Variants in PTPRN2 observed in about 807,000 individuals in gnomAD.
PTPRN2 encodes receptor-type tyrosine-protein phosphatase N2.
PTPRN2 carries 74 observed loss-of-function variants against 118.8 expected under a neutral mutation model. The ratio of observed to expected loss-of-function variants is 0.62; its 90% confidence interval spans 0.52 to 0.76. The LOEUF is 0.76. Among genes scored for constraint, PTPRN2 ranks in the 30% least tolerant of loss-of-function variants. The probability of loss-of-function intolerance (pLI) is 0.00; values close to 1 mark genes in which losing one functional copy is unlikely to be tolerated. For synonymous variants in PTPRN2, 641 were observed against 608.0 expected, an observed-to-expected ratio of 1.05 and a Z score of -0.80; for missense variants, 1,481 against 1,394.4, an observed-to-expected ratio of 1.06 and a Z score of -0.99.
At chr7:158,451,175 T>A (rs74433189) in intron 2 of PTPRN2, among the ~76,000 whole-genome samples, 12,562 of 152,294 alleles carry the variant, frequency 0.082, 575 homozygotes, top group Middle Eastern at 0.11. Flanking sequence ...GTTTTGCAAA[T>A]GTTTCCTTCG....
Position 157,953,184 on chromosome 7 carries a change from G to A in PTPRN2, c.1724-54447C>T, listed in dbSNP as rs1005949148. Reference sequence around the variant, plus strand: ...TGCACCATGTTGACTGTACCCGTGTGCAGCTTGCACAGAGTCCCCAGCAGC... The same window carrying A: ...TGCACCATGTTGACTGTACCCGTGTACAGCTTGCACAGAGTCCCCAGCAGC... On this transcript the variant is annotated intron_variant, in intron 11 of 22. Transcript: ENST00000389418. This position sits in a 1 kb window ranked among gnomAD's most constrained non-coding sequence, Gnocchi z 4.6. Among the ~76,000 whole-genome samples the A allele has an allele frequency of 6.6e-6, 1 of 152,218 alleles. No individual in the cohort carries two copies. The highest frequency in any genetic ancestry group is 2.4e-5 in the African/African-American group (1 of 41,456).
intron 11 of PTPRN2, among the ~76,000 whole-genome samples, chr7:158,010,496 A>G (rs745938079): frequency 4.2e-4 from 64 of 152,370 alleles, no homozygotes; most frequent in African/African-American, 1.4e-3. Context: ...CTGACCAGCT[A>G]CTTCTACAAA....
At chr7:157,683,713 C>T (rs1419129010) in intron 12 of PTPRN2, among the ~76,000 whole-genome samples, 1 of 152,166 alleles carries the variant, frequency 6.6e-6, no homozygotes, top group Non-Finnish European at 1.5e-5. Flanking sequence ...AAAGCCCTTT[C>T]GGTGCATTTC....
chr7:158,098,118 G>T (rs113592742), intron 10 of PTPRN2, among the ~76,000 whole-genome samples: 2 of 152,202 alleles, frequency 1.3e-5, no homozygotes, highest in African/African-American at 2.4e-5. Flanking sequence ...TGGAAGTAAG[G>T]CTTGCGTGGT....
In PTPRN2 at chr7:157,598,500, G is replaced by T. The variant is rs1020191840; in HGVS notation, c.2419-3185C>A. Among the ~76,000 whole-genome samples the T allele has an allele frequency of 6.8e-6, 1 of 147,250 alleles. No homozygotes were observed. Among genetic ancestry groups the T allele is most frequent in the African/African-American group, 2.6e-5 (1 of 37,890 alleles). On this transcript the variant is annotated intron_variant, in intron 16 of 22. Coordinates refer to ENST00000389418, the MANE Select transcript of PTPRN2 (RefSeq NM_002847.5). The surrounding 1 kb of genome is among the most constrained non-coding windows in gnomAD (Gnocchi z 5.2). ...GGGAGTGAGGAGCTTGGACGTCGGC[G>T]TCTCCGGGCCTCAGTCTCCATATCT...
chr7:158,242,314 C>T lies in PTPRN2; in HGVS notation c.278-37041G>A, dbSNP rs530975953. ...ATGGACTTCTCCAACCTCTTAGTTC[C>T]GCTTCTTTTCAATTAGAGAGAATTC... On this transcript the variant is annotated intron_variant, in intron 3 of 22. Coordinates refer to ENST00000389418, the MANE Select transcript of PTPRN2 (RefSeq NM_002847.5). Among the ~76,000 whole-genome samples the T allele has an allele frequency of 4.6e-5, 7 of 152,324 alleles. No homozygotes were observed. In the East Asian group the frequency reaches 7.7e-4, roughly 17 times the overall value.
chr7:158,000,032 G>A lies in PTPRN2; in HGVS notation c.1723+81266C>T, dbSNP rs181818901. 2.4e-3 allele frequency among the ~76,000 whole-genome samples: 372 copies of A among 152,174 alleles called. 1 individual carries two copies. The highest frequency in any genetic ancestry group is 6.8e-3 in the Middle Eastern group (2 of 294). On this transcript the variant is annotated intron_variant, in intron 11 of 22. Coordinates refer to ENST00000389418, the MANE Select transcript of PTPRN2 (RefSeq NM_002847.5). ...CTCGCGAGAAGCTGGGATTACAGGTGAGTGCCACCATGCCCGGCTAATTTC... is the reference window on the plus strand; with the variant it reads ...CTCGCGAGAAGCTGGGATTACAGGTAAGTGCCACCATGCCCGGCTAATTTC...
rs74802354 is a variant in PTPRN2 at position 158,491,779 on chromosome 7, C to T, written c.113-1994G>A. Among the ~76,000 whole-genome samples the T allele has an allele frequency of 2.7e-3, 411 of 152,310 alleles. 5 individuals carry two copies. The highest frequency in any genetic ancestry group is 0.016 in the Admixed American group (250 of 15,310). On this transcript the variant is annotated intron_variant, in intron 1 of 22. Transcript: ENST00000389418. ...TGCTGGGATTACAGGCGTGAGCCAC[C>T]GCGCCTGGCCAGCATTTCATTTCTT...
chr7:157,943,547 A>G lies in PTPRN2; in HGVS notation c.1724-44810T>C, dbSNP rs1052820915. Reference sequence around the variant, plus strand: ...TGTTGGTTCCGAGGAGGCCCTGGACACCAAGACACCCACCCCAGATGCCCA... The same window carrying G: ...TGTTGGTTCCGAGGAGGCCCTGGACGCCAAGACACCCACCCCAGATGCCCA... On this transcript the variant is annotated intron_variant, in intron 11 of 22. Coordinates refer to ENST00000389418, the MANE Select transcript of PTPRN2 (RefSeq NM_002847.5). Among the ~76,000 whole-genome samples, 23 of 151,722 alleles carry G rather than the reference A, an allele frequency of 1.5e-4. 1 individual carries two copies. The highest frequency in any genetic ancestry group is 1.4e-3 in the Admixed American group (21 of 15,244).
At chr7:158,543,218 C>T (rs966482461) in intron 1 of PTPRN2, among the ~76,000 whole-genome samples, 1 of 152,240 alleles carries the variant, frequency 6.6e-6, no homozygotes, top group Admixed American at 6.5e-5. Flanking sequence ...CCCCCGAGCA[C>T]GGAGCTCACC....
At chr7:158,249,408 A>T (rs892158232) in intron 3 of PTPRN2, among the ~76,000 whole-genome samples, 1 of 149,956 alleles carries the variant, frequency 6.7e-6, no homozygotes, top group Non-Finnish European at 1.5e-5. Flanking sequence ...CTGCACGCAC[A>T]CACCCTGCAT....
At chr7:158,405,837 G>A (rs769313307) in intron 2 of PTPRN2, among the ~76,000 whole-genome samples, 1 of 141,972 alleles carries the variant, frequency 7.0e-6, no homozygotes, top group Non-Finnish European at 1.6e-5. Flanking sequence ...GAGACATGTG[G>A]CCACACACTG....
intron 21 of PTPRN2, among the ~76,000 whole-genome samples, chr7:157,553,892 G>C (rs546268449): frequency 1.3e-5 from 2 of 152,326 alleles, no homozygotes; most frequent in Non-Finnish European, 2.9e-5. Flanking sequence ...ATAAGGGACA[G>C]ACCCTGGATA....
chr7:158,034,531 C>G (rs898089794), intron 11 of PTPRN2, among the ~76,000 whole-genome samples: 1 of 151,802 alleles, frequency 6.6e-6, no homozygotes, highest in Non-Finnish European at 1.5e-5. Flanking sequence ...CTTGCTCCTC[C>G]TTGCCTTCCA....
In PTPRN2 at chr7:158,247,236, T is replaced by C. The variant is rs111957595; in HGVS notation, c.278-41963A>G. ...GAGCACCGAGGCGCACGCTGGGCTCTGAGACGCCCCCTGGCCAAGAGGGGT... is the reference window on the plus strand; with the variant it reads ...GAGCACCGAGGCGCACGCTGGGCTCCGAGACGCCCCCTGGCCAAGAGGGGT... On this transcript the variant is annotated intron_variant, in intron 3 of 22. Transcript: ENST00000389418. 9.4e-3 allele frequency among the ~76,000 whole-genome samples: 1,438 copies of C among 152,270 alleles called. 26 individuals carry two copies. The highest frequency in any genetic ancestry group is 0.032 in the African/African-American group (1,342 of 41,560).
chr7:157,944,341 C>T lies in PTPRN2; in HGVS notation c.1724-45604G>A, dbSNP rs1390782989. Among the ~76,000 whole-genome samples the T allele has an allele frequency of 3.3e-5, 5 of 152,144 alleles. No homozygotes were observed. Among genetic ancestry groups the T allele is most frequent in the South Asian group, 4.1e-4 (2 of 4,822 alleles). ...GTGGAGCCCACCACCCAAGCGGGGG[C>T]GGTACCACTCCCACCACTGACTGAA... is the stretch of plus-strand genomic sequence containing the variant. On this transcript the variant is annotated intron_variant, in intron 11 of 22. Transcript: ENST00000389418. This position sits in a 1 kb window ranked among gnomAD's most constrained non-coding sequence, Gnocchi z 4.3.
chr7:158,108,918 A>G (rs145398911), intron 10 of PTPRN2, among the ~76,000 whole-genome samples: 55 of 152,396 alleles, frequency 3.6e-4, no homozygotes, highest in Non-Finnish European at 4.1e-4. Context: ...ACCTGTGTGA[A>G]GGGGCCAGTG....
In PTPRN2 at chr7:157,881,055, A is replaced by G. The variant is rs1383753642; in HGVS notation, c.1788+17618T>C. Among the ~76,000 whole-genome samples, 2 of 152,212 alleles carry G rather than the reference A, an allele frequency of 1.3e-5. No homozygotes were observed. Among genetic ancestry groups the G allele is most frequent in the East Asian group, 3.9e-4 (2 of 5,186 alleles). On this transcript the variant is annotated intron_variant, in intron 12 of 22. Transcript: ENST00000389418. This position sits in a 1 kb window ranked among gnomAD's most constrained non-coding sequence, Gnocchi z 4.7. Reference sequence around the variant, plus strand: ...ATGTGGAGATGGAGTTGTCTATAGGAGTCATTACGGTAAAATGAGGTCATG... The same window carrying G: ...ATGTGGAGATGGAGTTGTCTATAGGGGTCATTACGGTAAAATGAGGTCATG...
At chr7:158,193,366 G>A (rs1413381805) in intron 4 of PTPRN2, among the ~76,000 whole-genome samples, 1 of 152,192 alleles carries the variant, frequency 6.6e-6, no homozygotes, top group Non-Finnish European at 1.5e-5. Context: ...GCAGCCACTT[G>A]CCAGTGGGGC....
Sources: allele counts gnomAD v4.1 joint callset (sites outside exome capture counted in the v4.1 genomes callset), GRCh38; gene constraint gnomAD v4.1.1; non-coding constraint Gnocchi (gnomAD v3.1); transcripts MANE v1.5; gene names NCBI Gene and HGNC (gene_info 2026-07-23, HGNC 2026-07-21).